ATRNL1: variants seen among roughly 807,000 people sequenced by gnomAD.
The protein encoded by ATRNL1 is attractin-like protein 1.
A neutral mutation model predicts 182.7 loss-of-function variants in ATRNL1; 95 were observed. The ratio of observed to expected loss-of-function variants is 0.52; its 90% CI spans 0.44 to 0.62. The LOEUF is 0.62. Ranked by LOEUF, ATRNL1 falls within the 20% of genes least tolerant of loss-of-function variation. The probability of loss-of-function intolerance (pLI) is 0.00; values close to 1 mark genes in which losing one functional copy is unlikely to be tolerated. For synonymous variants in ATRNL1, 576 were observed against 568.3 expected (o/e 1.01, Z -0.19); for missense variants, 1,471 against 1,679.5 (o/e 0.88, Z 2.17).
chr10:115,685,394 A>G (rs1399842512), intron 26 of ATRNL1, among the ~76,000 whole-genome samples: 1 of 151,806 alleles, frequency 6.6e-6, no homozygotes, highest in Admixed American at 6.6e-5. Context: ...GATATCAATA[A>G]TGACTACCTC....
chr10:115,683,527 G>A (rs1946117183), intron 26 of ATRNL1, among the ~76,000 whole-genome samples: 1 of 136,488 alleles, frequency 7.3e-6, no homozygotes, highest in African/African-American at 2.6e-5. Flanking sequence ...CAAGGTATAT[G>A]GGAAGAAGAA....
At chr10:115,250,120 G>A (rs1850811489) in intron 10 of ATRNL1, among the ~76,000 whole-genome samples, 1 of 152,138 alleles carries the variant, frequency 6.6e-6, no homozygotes, top group South Asian at 2.1e-4. Flanking sequence ...AGGGATTTGA[G>A]CTACATACTT....
chr10:115,621,311 AGAGTGTGT>A (rs1423379900), intron 26 of ATRNL1, among the ~76,000 whole-genome samples: 3 of 93,142 alleles, frequency 3.2e-5, no homozygotes, highest in African/African-American at 1.0e-4. Context: ...AGAGAGAGAG[AGAGTGTGT>A]GAGTGAGTCA....
chr10:115,482,750 G>T (rs1554974397), intron 24 of ATRNL1, among the ~76,000 whole-genome samples: 1 of 151,150 alleles, frequency 6.6e-6, no homozygotes, highest in Admixed American at 6.6e-5. Context: ...TCAGAGAATT[G>T]TAAAGTAGAA....
chr10:115,948,132 A>G lies in ATRNL1; in HGVS notation c.*3353A>G, dbSNP rs1399787150. The G allele has an allele frequency of 6.6e-6, 1 of 152,216 alleles. No individual in the cohort carries two copies. Among genetic ancestry groups the G allele is most frequent in the African/African-American group, 2.4e-5 (1 of 41,460 alleles). 9.4% of individuals were successfully genotyped at this position (152,216 alleles called of 1,614,324 possible). On this transcript the variant is annotated 3_prime_UTR_variant, in exon 29 of 29. Transcript: ENST00000355044. ...GTATTTCTAAGATATAGGGATTTCT[A>G]CAAAACGACTTTGACATTTAGTCAA... is the stretch of plus-strand genomic sequence containing the variant.
At chr10:115,371,274 C>G (rs1455341157) in intron 19 of ATRNL1, among the ~76,000 whole-genome samples, 1 of 152,126 alleles carries the variant, frequency 6.6e-6, no homozygotes, top group Non-Finnish European at 1.5e-5. Context: ...GGTGTGATGC[C>G]TAGTGGAGCT....
chr10:115,256,571 T>A (rs573864614), intron 10 of ATRNL1, among the ~76,000 whole-genome samples: 6 of 152,308 alleles, frequency 3.9e-5, no homozygotes, highest in African/African-American at 1.2e-4. Context: ...ATTTTGTTAA[T>A]CTTTTCAAAA....
intron 26 of ATRNL1, among the ~76,000 whole-genome samples, chr10:115,573,857 T>C (rs1854548454): frequency 6.6e-6 from 1 of 152,126 alleles, no homozygotes; most frequent in Non-Finnish European, 1.5e-5. Context: ...CCTTGGAAAA[T>C]ACTAGCAGTT....
At chr10:115,481,551 G>T (rs1262764873) in intron 24 of ATRNL1, among the ~76,000 whole-genome samples, 1 of 150,462 alleles carries the variant, frequency 6.6e-6, no homozygotes, top group Non-Finnish European at 1.5e-5. Context: ...CATACAGTAG[G>T]CAATTGAATT....
At chr10:115,613,804 T>C (rs1347607556) in intron 26 of ATRNL1, among the ~76,000 whole-genome samples, 6 of 152,018 alleles carry the variant, frequency 3.9e-5, no homozygotes, top group Non-Finnish European at 1.5e-5. Flanking sequence ...CTAGTTGGCA[T>C]GTAGTTGTTC....
In ATRNL1 at chr10:115,600,333, T is replaced by C. The variant is rs188073590; in HGVS notation, c.3795+50797T>C. Reference sequence around the variant, plus strand: ...TTTTATTAGAAAATGCCAAACCCTCTTCCAAAAGGATTGTATAATACCACA... The same window carrying C: ...TTTTATTAGAAAATGCCAAACCCTCCTCCAAAAGGATTGTATAATACCACA... On this transcript the variant is annotated intron_variant, in intron 26 of 28. Coordinates refer to ENST00000355044, the MANE Select transcript of ATRNL1 (RefSeq NM_207303.4). 4.4e-3 allele frequency among the ~76,000 whole-genome samples: 666 copies of C among 152,278 alleles called. 4 individuals carry two copies. Among genetic ancestry groups the C allele is most frequent in the Admixed American group, 5.2e-3 (79 of 15,288 alleles).
intron 27 of ATRNL1, among the ~76,000 whole-genome samples, chr10:115,841,403 A>G (rs1351099093): frequency 6.6e-6 from 1 of 152,082 alleles, no homozygotes; most frequent in African/African-American, 2.4e-5. Flanking sequence ...GTTTGTGTAC[A>G]TGTGTGTGTT....
chr10:115,574,786 G>A (rs1156824895), intron 26 of ATRNL1, among the ~76,000 whole-genome samples: 7 of 152,168 alleles, frequency 4.6e-5, no homozygotes, highest in African/African-American at 1.2e-4. Flanking sequence ...CACATAGGGT[G>A]CTGGCACAAG....
chr10:115,487,875 A>T (rs1849103032), intron 24 of ATRNL1, among the ~76,000 whole-genome samples: 1 of 152,190 alleles, frequency 6.6e-6, no homozygotes, highest in African/African-American at 2.4e-5. Flanking sequence ...TTTGTCATAA[A>T]TAGCTCTTAT....
Position 115,698,359 on chromosome 10 carries a change from A to G in ATRNL1, c.3796-28889A>G, listed in dbSNP as rs74158255. Among the ~76,000 whole-genome samples the G allele has an allele frequency of 5.6e-3, 849 of 152,272 alleles. 9 individuals carry two copies. The highest frequency in any genetic ancestry group is 0.019 in the African/African-American group (809 of 41,544). ...ATCTGATGCCCTTGAACCAGAATAC[A>G]TGGAGAATTTACAAATAAGGACAGG... On this transcript the variant is annotated intron_variant, in intron 26 of 28. Transcript: ENST00000355044.
chr10:115,227,220 C>T (rs1849737604), intron 9 of ATRNL1, among the ~76,000 whole-genome samples: 1 of 151,944 alleles, frequency 6.6e-6, no homozygotes, highest in African/African-American at 2.4e-5. Flanking sequence ...CTTAAGTCCA[C>T]AGGCAAAAGA....
chr10:115,832,714 T>G (rs782434306), intron 27 of ATRNL1, among the ~76,000 whole-genome samples: 10 of 152,208 alleles, frequency 6.6e-5, no homozygotes, highest in Non-Finnish European at 1.5e-4. Context: ...ATTATGTATG[T>G]CACTTCTAAA....
intron 19 of ATRNL1, among the ~76,000 whole-genome samples, chr10:115,381,103 T>C (rs182670847): frequency 2.8e-4 from 43 of 152,276 alleles, no homozygotes; most frequent in African/African-American, 9.1e-4. Flanking sequence ...AGTGATCTCA[T>C]TGGAGTTTTG....
intron 27 of ATRNL1, among the ~76,000 whole-genome samples, chr10:115,798,206 C>T (rs1272572868): frequency 2.0e-5 from 3 of 152,280 alleles, no homozygotes; most frequent in South Asian, 2.1e-4. Flanking sequence ...CAGGAGCCAC[C>T]GCGCCCAGCC....
Sources: allele counts gnomAD v4.1 joint callset (sites outside exome capture counted in the v4.1 genomes callset), GRCh38; gene constraint gnomAD v4.1.1; transcripts MANE v1.5; gene names NCBI Gene and HGNC (gene_info 2026-07-23, HGNC 2026-07-21).